The following AHRR variants were observed in gnomAD, a reference collection of about 807,000 sequenced individuals.
The protein encoded by AHRR is aryl hydrocarbon receptor repressor.
AHRR carries 28 observed loss-of-function variants against 44.0 expected under a neutral mutation model. That is an observed-to-expected ratio of 0.64 (90% CI 0.47 to 0.87). The LOEUF is 0.87. Ranked by LOEUF, AHRR falls within the 40% of genes least tolerant of loss-of-function variation. The probability of loss-of-function intolerance (pLI) is 0.00; values close to 1 mark genes in which losing one functional copy is unlikely to be tolerated. For synonymous variants in AHRR, 434 were observed against 407.0 expected (o/e 1.07, Z -0.80); for missense variants, 990 against 953.9 (o/e 1.04, Z -0.50).
intron 2 of AHRR, among the ~76,000 whole-genome samples, chr5:346,439 C>T (rs1165113395): frequency 2.0e-5 from 3 of 152,188 alleles, no homozygotes; most frequent in African/African-American, 7.2e-5. Context: ...CAGGAAATTT[C>T]GTTCTGATTC....
rs569350407 is a variant in AHRR at position 395,267 on chromosome 5, G to A, written c.352-18077G>A. Among the ~76,000 whole-genome samples, 20 of 152,344 alleles carry A rather than the reference G, an allele frequency of 1.3e-4. No homozygotes were observed. Among genetic ancestry groups the A allele is most frequent in the East Asian group, 1.9e-4 (1 of 5,188 alleles). On this transcript the variant is annotated intron_variant, in intron 4 of 10. Coordinates refer to ENST00000684583, the MANE Select transcript of AHRR (RefSeq NM_001377236.1). This position sits in a 1 kb window ranked among gnomAD's most constrained non-coding sequence, Gnocchi z 5.3. Reference sequence around the variant, plus strand: ...CCCATTCCCTGAATGACACTGGTGCGGAATGCAGACAGAGGGGGCCTGGGA... The same window carrying A: ...CCCATTCCCTGAATGACACTGGTGCAGAATGCAGACAGAGGGGGCCTGGGA...
chr5:385,015 A>C (rs1175372253), intron 4 of AHRR, among the ~76,000 whole-genome samples: 1 of 152,086 alleles, frequency 6.6e-6, no homozygotes, highest in Non-Finnish European at 1.5e-5. Flanking sequence ...GTGGTGGCAC[A>C]TGCCTGTAAT....
rs752499728 is a variant in AHRR at position 434,655 on chromosome 5, C to A, written c.1915C>A (p.Arg639=). 1 of 1,565,022 alleles carries A rather than the reference C, an allele frequency of 6.4e-7. No individual in the cohort carries two copies. Among genetic ancestry groups the A allele is most frequent in the Non-Finnish European group, 8.7e-7 (1 of 1,154,870 alleles). ...TCCCCACCAGCTCTGTGCACGGGGC[C>A]GAGGTGAACAGTCCTGCACCTGCAG... ...EPPHQLCARG[R]GEQSCTCRAA... Residue 639 remains arginine, a synonymous_variant, in exon 11 of 11, where the codon CGA becomes AGA. Transcript: ENST00000684583.
rs1482995277 is a variant in AHRR, at chr5:411,931, T to C, written c.352-1413T>C. 6.6e-6 allele frequency among the ~76,000 whole-genome samples: 1 copy of C among 152,254 alleles called. No homozygotes were observed. Among genetic ancestry groups the C allele is most frequent in the Non-Finnish European group, 1.5e-5 (1 of 68,042 alleles). ...AGATATTCCACCTGGTAGCCTGTGCTTGCTCAGCGTCAGTGGCCATTGCTG... is the reference window on the plus strand; with the variant it reads ...AGATATTCCACCTGGTAGCCTGTGCCTGCTCAGCGTCAGTGGCCATTGCTG... On this transcript the variant is annotated intron_variant, in intron 4 of 10. Transcript: ENST00000684583. This position sits in a 1 kb window ranked among gnomAD's most constrained non-coding sequence, Gnocchi z 4.2.
intron 3 of AHRR, among the ~76,000 whole-genome samples, chr5:365,065 G>A (rs1382306080): frequency 6.6e-6 from 1 of 151,786 alleles, no homozygotes; most frequent in Non-Finnish European, 1.5e-5. Flanking sequence ...TTTAAATACT[G>A]TAACTCAGTA....
intron 4 of AHRR, among the ~76,000 whole-genome samples, chr5:378,135 G>A (rs1166098242): frequency 6.6e-6 from 1 of 152,230 alleles, no homozygotes; most frequent in Non-Finnish European, 1.5e-5. Context: ...AGTGAAAGGG[G>A]TTATATGCTC....
chr5:344,304 A>T (rs1210262938), intron 2 of AHRR, among the ~76,000 whole-genome samples: 1 of 150,680 alleles, frequency 6.6e-6, no homozygotes, highest in Non-Finnish European at 1.5e-5. Context: ...CAGGCTCCGC[A>T]GGCGAGACCG....
intron 5 of AHRR, among the ~76,000 whole-genome samples, chr5:416,448 G>A (rs761847867): frequency 6.6e-6 from 1 of 152,256 alleles, no homozygotes; most frequent in Non-Finnish European, 1.5e-5. Context: ...GCTCTAGGCG[G>A]CTGCTGTTGA....
intron 1 of AHRR, among the ~76,000 whole-genome samples, chr5:322,876 G>A (rs529250590): frequency 6.6e-6 from 1 of 152,342 alleles, no homozygotes; most frequent in East Asian, 1.9e-4. Flanking sequence ...CCACCGCCTG[G>A]GGAACGGCTT....
Position 367,182 on chromosome 5 carries a change from C to T in AHRR, c.245-9428C>T, listed in dbSNP as rs149871956. Among the ~76,000 whole-genome samples the T allele has an allele frequency of 1.7e-3, 262 of 152,296 alleles. 1 individual carries two copies. The highest frequency in any genetic ancestry group is 5.8e-3 in the African/African-American group (242 of 41,558). ...CTAAAGTGAGTCCCTGGGGGGTCGC[C>T]GCAGATCCCCAGCTGCTCCCACCCT... On this transcript the variant is annotated intron_variant, in intron 3 of 10. Coordinates refer to ENST00000684583, the MANE Select transcript of AHRR (RefSeq NM_001377236.1).
chr5:345,598 CTGTGTGTGTGGG>C (rs1742643055), intron 2 of AHRR, among the ~76,000 whole-genome samples: 1 of 124,614 alleles, frequency 8.0e-6, no homozygotes, highest in Admixed American at 7.9e-5. Context: ...GGGGGTGTGT[CTGTGTGTGTGGG>C]TGTGTGTGTC....
At chr5:322,043 G>A (rs1741514233) in intron 1 of AHRR, among the ~76,000 whole-genome samples, 1 of 152,028 alleles carries the variant, frequency 6.6e-6, no homozygotes, top group South Asian at 2.1e-4. Flanking sequence ...AAGCCGCGGC[G>A]CGTCCACGGT....
At chr5:385,327 A>C (rs1455670586) in intron 4 of AHRR, among the ~76,000 whole-genome samples, 1 of 152,038 alleles carries the variant, frequency 6.6e-6, no homozygotes, top group Non-Finnish European at 1.5e-5. Context: ...GGTGCACACC[A>C]CCATGCTCAG....
chr5:415,240 C>T (rs1006422525), intron 5 of AHRR, among the ~76,000 whole-genome samples: 6 of 152,264 alleles, frequency 3.9e-5, no homozygotes, highest in African/African-American at 1.4e-4. Context: ...GAAAGGGTCC[C>T]AGAGCCAGCA....
chr5:426,477 T>C lies in AHRR; in HGVS notation c.709-1330T>C, dbSNP rs906216908. 2.0e-5 allele frequency among the ~76,000 whole-genome samples: 3 copies of C among 150,252 alleles called. 1 individual carries two copies. The highest frequency in any genetic ancestry group is 6.6e-5 in the Admixed American group (1 of 15,134). On this transcript the variant is annotated intron_variant, in intron 7 of 10. Transcript: ENST00000684583. ...GTGAATGGATGGATGGATGGTTGGA[T>C]AGATGGGAAGATGGATGGATGGATG...
intron 3 of AHRR, among the ~76,000 whole-genome samples, chr5:356,471 G>A (rs1743051549): frequency 1.3e-5 from 2 of 151,220 alleles, no homozygotes; most frequent in East Asian, 1.9e-4. Context: ...GAGGAAGAGC[G>A]CCCGCGAGTG....
At chr5:432,716 G>A (rs1449770597) in intron 9 of AHRR, 90 bp from the exon 10 acceptor site, 12 of 1,599,606 alleles carry the variant, frequency 7.5e-6, no homozygotes, top group South Asian at 1.1e-5. Flanking sequence ...AGGAGCCGAT[G>A]GGTCCTGCCT....
chr5:397,643 A>ATGT (rs1734792515), intron 4 of AHRR, among the ~76,000 whole-genome samples: 1 of 48,898 alleles, frequency 2.0e-5, no homozygotes, highest in Non-Finnish European at 3.7e-5. Context: ...GACCATCCAC[A>ATGT]TAGCCCCTGA....
intron 1 of AHRR, among the ~76,000 whole-genome samples, chr5:332,983 T>C (rs1302388891): frequency 6.6e-6 from 1 of 151,450 alleles, no homozygotes; most frequent in Non-Finnish European, 1.5e-5. Context: ...TTATCTGATA[T>C]GAGTATAGCT....
Sources: allele counts gnomAD v4.1 joint callset (sites outside exome capture counted in the v4.1 genomes callset), GRCh38; gene constraint gnomAD v4.1.1; non-coding constraint Gnocchi (gnomAD v3.1); transcripts MANE v1.5; gene names NCBI Gene and HGNC (gene_info 2026-07-23, HGNC 2026-07-21).